The following SYNRG variants were observed in gnomAD, a reference collection of about 807,000 sequenced individuals.
The protein encoded by SYNRG is synergin gamma.
In SYNRG, 37 loss-of-function variants were observed where a neutral mutation model predicts 130.9. The ratio of observed to expected loss-of-function variants is 0.28; its 90% confidence interval spans 0.22 to 0.37. The LOEUF is 0.37. SYNRG is among the 10% of genes least tolerant of loss of function. SYNRG has a pLI of 1.00. For synonymous variants in SYNRG, 539 were observed against 568.1 expected (o/e 0.95, Z 0.73); for missense variants, 1,338 against 1,588.9 (o/e 0.84, Z 2.68).
At chr17:37,547,960 C>A (rs962457565) in intron 14 of SYNRG, among the ~76,000 whole-genome samples, 3 of 152,150 alleles carry the variant, frequency 2.0e-5, no homozygotes. Context: ...GTCTTTTTCG[C>A]AAAAGAAGTT....
At chr17:37,580,478 C>CGTGTGTGAGTGTGTGTGT (rs2061214847) in intron 6 of SYNRG, among the ~76,000 whole-genome samples, 1 of 121,960 alleles carries the variant, frequency 8.2e-6, no homozygotes, top group Non-Finnish European at 1.6e-5. Flanking sequence ...CTTTGTATTT[C>CGTGTGTGAGTGTGTGTGT]GTGTGTGTGT....
rs9907187 is a variant in SYNRG, at chr17:37,525,738, C to A, written c.3667-5090G>T. ...ATCTCAGCACTTTGGGAGGCCAAGG[C>A]GGGCGGATCACGAGGTCAGGCTTTG... On this transcript the variant is annotated intron_variant, in intron 19 of 21. Transcript: ENST00000612223. Among the ~76,000 whole-genome samples, 4 of 152,214 alleles carry A rather than the reference C, an allele frequency of 2.6e-5. No individual in the cohort carries two copies. In the East Asian group the frequency reaches 7.7e-4, roughly 29 times the overall value.
intron 10 of SYNRG, among the ~76,000 whole-genome samples, chr17:37,570,049 A>G (rs912722795): frequency 2.0e-5 from 3 of 152,126 alleles, no homozygotes; most frequent in African/African-American, 7.2e-5. Flanking sequence ...TTACAACAAA[A>G]ATTCTTGTAT....
In SYNRG at chr17:37,588,741, CT is replaced by C. The variant is rs36030652; in HGVS notation, c.241-2193del. Among the ~76,000 whole-genome samples the C allele has an allele frequency of 3.9e-3, 569 of 144,086 alleles. 1 individual carries two copies. The highest frequency in any genetic ancestry group is 9.6e-3 in the African/African-American group (379 of 39,542). 94.5% of individuals were successfully genotyped at this position (144,086 alleles called of 152,430 possible). ...TTAGTATCACAGTCCTAGAATTATTCTTTTTTTTTTTTTTACTCATTTCACC... is the reference window on the plus strand; with the variant it reads ...TTAGTATCACAGTCCTAGAATTATTCTTTTTTTTTTTTTACTCATTTCACC... On this transcript the variant is annotated intron_variant, in intron 3 of 21. Transcript: ENST00000612223.
Position 37,515,456 on chromosome 17 carries a change from A to G in SYNRG, c.*3484T>C, listed in dbSNP as rs1028929502. The G allele has an allele frequency of 2.0e-5, 3 of 152,218 alleles. No homozygotes were observed. The highest frequency in any genetic ancestry group is 7.2e-5 in the African/African-American group (3 of 41,444). 9.4% of individuals were successfully genotyped at this position (152,218 alleles called of 1,614,324 possible). A position where few individuals can be genotyped will look rare whatever the true frequency, so the allele number is the denominator to read the frequency against. ...GCAGGCATTTGACCTTGAAGGTGTT[A>G]AAGGGAATTTTTTATTTTTGAGACA... is the stretch of plus-strand genomic sequence containing the variant. On this transcript the variant is annotated 3_prime_UTR_variant, in exon 22 of 22. Transcript: ENST00000612223.
rs1165650242 is a variant in SYNRG, at chr17:37,517,466, CT to C, written c.*1473del. On this transcript the variant is annotated 3_prime_UTR_variant, in exon 22 of 22. Coordinates refer to ENST00000612223, the MANE Select transcript of SYNRG (RefSeq NM_007247.6). ...ATCATCGGGAGCGAGTGAGAAAAGC[CT>C]TTCTCTCCTCGGTGCCTCTCTGTGC... The C allele has an allele frequency of 1.3e-5, 2 of 151,848 alleles. No individual in the cohort carries two copies. The highest frequency in any genetic ancestry group is 2.4e-5 in the African/African-American group (1 of 41,322). The allele number at this position is 151,848 out of a possible 1,614,324, so 9.4% of individuals were successfully genotyped here.
At chr17:37,523,736 C>T (rs1399929180) in intron 19 of SYNRG, among the ~76,000 whole-genome samples, 2 of 152,124 alleles carry the variant, frequency 1.3e-5, no homozygotes, top group African/African-American at 2.4e-5. Context: ...TCCACCAGCA[C>T]ACAGTGGGTC....
chr17:37,536,484 A>G, intron 18 of SYNRG: 1 of 225,976 alleles, frequency 4.4e-6, no homozygotes, highest in Non-Finnish European at 8.5e-6. Flanking sequence ...ATATGGTAAA[A>G]GGCTTACAAC....
intron 4 of SYNRG, among the ~76,000 whole-genome samples, chr17:37,585,782 G>A (rs773165211): frequency 6.6e-6 from 1 of 152,192 alleles, no homozygotes; most frequent in Non-Finnish European, 1.5e-5. Context: ...TGCTTGGGAA[G>A]GCAGTGTCAT....
intron 19 of SYNRG, among the ~76,000 whole-genome samples, chr17:37,522,508 C>A (rs2055227211): frequency 6.6e-6 from 1 of 151,996 alleles, no homozygotes; most frequent in African/African-American, 2.4e-5. Flanking sequence ...CACTCTGTTG[C>A]CCAGGCTGGA....
In SYNRG at chr17:37,600,356, C is replaced by T; in HGVS notation, c.118+7G>A. On this transcript the variant is annotated splice_region_variant and intron_variant, in intron 2 of 21. Transcript: ENST00000612223. Reference sequence around the variant, plus strand: ...AATAAAAGTTCAAAACTTAAGCTCTCACATACCTTGAGGGGGTCTTATCCC... The same window carrying T: ...AATAAAAGTTCAAAACTTAAGCTCTTACATACCTTGAGGGGGTCTTATCCC... 6.2e-7 allele frequency: 1 copy of T among 1,600,938 alleles called. No individual in the cohort carries two copies. The highest frequency in any genetic ancestry group is 8.5e-7 in the Non-Finnish European group (1 of 1,176,112).
intron 7 of SYNRG, 25 bp from the exon 8 acceptor site, chr17:37,576,443 A>G (rs1202308559): frequency 1.2e-6 from 2 of 1,602,070 alleles, no homozygotes; most frequent in South Asian, 2.2e-5. Context: ...ACATTAATGT[A>G]TATAGTGGTC....
chr17:37,520,309 C>G, intron 20 of SYNRG, 95 bp from the exon 21 acceptor site: 1 of 1,512,808 alleles, frequency 6.6e-7, no homozygotes, highest in Non-Finnish European at 9.2e-7. Flanking sequence ...TTTCCCCTGA[C>G]CTCCCCACTA....
chr17:37,586,899 A>G (rs959170735), intron 3 of SYNRG, among the ~76,000 whole-genome samples: 6 of 152,128 alleles, frequency 3.9e-5, no homozygotes, highest in African/African-American at 1.2e-4. Flanking sequence ...AAGAGGCATT[A>G]TATCTTATAT....
chr17:37,587,867 G>A (rs978348780), intron 3 of SYNRG, among the ~76,000 whole-genome samples: 2 of 152,080 alleles, frequency 1.3e-5, no homozygotes, highest in Non-Finnish European at 2.9e-5. Context: ...CCAAAATCTG[G>A]ATGTTAGGCA....
intron 1 of SYNRG, among the ~76,000 whole-genome samples, chr17:37,606,962 A>C (rs1381054354): frequency 6.6e-6 from 1 of 152,174 alleles, no homozygotes; most frequent in Non-Finnish European, 1.5e-5. Flanking sequence ...GGTGGGTGGC[A>C]AAAAGAAAAT....
intron 11 of SYNRG, among the ~76,000 whole-genome samples, chr17:37,564,883 C>T (rs1367565109): frequency 1.3e-5 from 2 of 152,212 alleles, no homozygotes; most frequent in Admixed American, 1.3e-4. Context: ...TCATGCCTAT[C>T]CCAGTGTCTG....
chr17:37,573,287 C>T (rs2060574724), intron 8 of SYNRG, among the ~76,000 whole-genome samples: 1 of 152,054 alleles, frequency 6.6e-6, no homozygotes, highest in African/African-American at 2.4e-5. Context: ...CCTGTAGCCC[C>T]AGCTACTCAG....
At chr17:37,549,334 T>C (rs2058541200) in intron 14 of SYNRG, among the ~76,000 whole-genome samples, 1 of 152,190 alleles carries the variant, frequency 6.6e-6, no homozygotes, top group Non-Finnish European at 1.5e-5. Context: ...TTTTTACTGT[T>C]ACCATACTCT....
Sources: gnomAD v4.1 joint callset for allele counts (sites outside exome capture counted in the v4.1 genomes callset) on GRCh38, gnomAD v4.1.1 for gene constraint, MANE v1.5 for transcripts, NCBI Gene and HGNC (gene_info 2026-07-23, HGNC 2026-07-21) for gene names.